HSPE1: variants seen among roughly 807,000 people sequenced by gnomAD.
HSPE1 encodes heat shock protein family E (Hsp10) member 1.
Under a neutral mutation model 13.2 loss-of-function variants are expected in HSPE1, and 1 was observed. The ratio of observed to expected loss-of-function variants is 0.08; its 90% CI spans 0.03 to 0.36. The LOEUF is 0.36. Among genes scored for constraint, HSPE1 ranks in the 10% least tolerant of loss-of-function variants. The pLI is 0.99. For missense variants in HSPE1, 73 were observed against 118.7 expected (o/e 0.62, Z 1.79); for synonymous variants, 44 against 42.0 (o/e 1.05, Z -0.19).
Position 197,501,138 on chromosome 2 carries a change from C to T in HSPE1, c.68C>T (p.Ala23Val). The T allele has an allele frequency of 1.9e-6, 3 of 1,614,080 alleles. No homozygotes were observed. Among genetic ancestry groups the T allele is most frequent in the Non-Finnish European group, 2.5e-6 (3 of 1,179,980 alleles). ...FDRVLVERSA[A>V]ETVTKGGIML... ...CGAGTATTGGTTGAAAGGAGTGCTG[C>T]TGAAACTGTAACCAAAGGAGGCATT... Residue 23 changes from alanine to valine, a missense_variant, in exon 2 of 4, where the codon GCT becomes GTT. Transcript: ENST00000233893.
At chr2:197,502,796 T>C (rs1451051074) in intron 2 of HSPE1, among the ~76,000 whole-genome samples, 1 of 152,220 alleles carries the variant, frequency 6.6e-6, no homozygotes, top group Non-Finnish European at 1.5e-5. Context: ...TTTCTTGAAC[T>C]TTTACGTTGG....
intron 2 of HSPE1, among the ~76,000 whole-genome samples, chr2:197,502,009 A>G (rs1000721409): frequency 2.0e-5 from 3 of 152,164 alleles, no homozygotes; most frequent in Non-Finnish European, 2.9e-5. Context: ...AAATAAATAC[A>G]AAAGATGTGC....
intron 2 of HSPE1, among the ~76,000 whole-genome samples, chr2:197,501,870 G>A (rs932994729): frequency 2.6e-5 from 4 of 152,068 alleles, no homozygotes; most frequent in Admixed American, 6.6e-5. Flanking sequence ...GAGGCTGTGC[G>A]TGGTGGCTCA....
Position 197,503,428 on chromosome 2 carries a change from C to T in HSPE1, c.*169C>T, listed in dbSNP as rs940542706. 2 of 452,026 alleles carry T rather than the reference C, an allele frequency of 4.4e-6. No individual in the cohort carries two copies. The highest frequency in any genetic ancestry group is 2.0e-5 in the African/African-American group (1 of 50,538). 28.0% of individuals were successfully genotyped at this position (452,026 alleles called of 1,614,324 possible). On this transcript the variant is annotated 3_prime_UTR_variant, in exon 4 of 4. Coordinates refer to ENST00000233893, the MANE Select transcript of HSPE1 (RefSeq NM_002157.3). ...TTTCCTTGTACTGATATAAACACTT[C>T]CAAATAAAAATATGTAAATGAGTGG...
chr2:197,500,721 T>C (rs557286362), intron 1 of HSPE1: 174 of 595,218 alleles, frequency 2.9e-4, no homozygotes, highest in African/African-American at 2.8e-3. Context: ...ATGTGTAATA[T>C]CTTGGGTAAA....
rs894226193 is a variant in HSPE1, at chr2:197,503,137, A to T, written c.258+9A>T. The T allele has an allele frequency of 5.0e-6, 8 of 1,590,060 alleles. No individual in the cohort carries two copies. Among genetic ancestry groups the T allele is most frequent in the African/African-American group, 1.3e-5 (1 of 74,404 alleles). On this transcript the variant is annotated intron_variant, in intron 3 of 3. Transcript: ENST00000233893. ...TAGTTCTAGATGACAAGGTGTGTAA[A>T]CTTAATAATTCTAAAAAGAAGTCAG...
chr2:197,500,941 C>T, intron 1 of HSPE1, 133 bp from the exon 2 acceptor site: 2 of 1,051,204 alleles, frequency 1.9e-6, no homozygotes, highest in Non-Finnish European at 2.7e-6. Context: ...AAATGCGCTT[C>T]CTTAACGAAT....
At position 197,500,411 on chromosome 2, in the gene HSPE1, A is replaced by G; in HGVS notation, c.-26A>G. On this transcript the variant is annotated 5_prime_UTR_variant, in exon 1 of 4. Coordinates refer to ENST00000233893, the MANE Select transcript of HSPE1 (RefSeq NM_002157.3). ...TCTTTGCGGCGCTACACTAGAGCAG[A>G]GTACGAGTCTGAGGCGGAGGGAGTA... 3 of 1,599,022 alleles carry G rather than the reference A, an allele frequency of 1.9e-6. No homozygotes were observed. Among genetic ancestry groups the G allele is most frequent in the African/African-American group, 2.7e-5 (2 of 74,786 alleles).
In HSPE1 at chr2:197,501,189, A is replaced by G. The variant is rs760120008; in HGVS notation, c.119A>G (p.Lys40Arg). 1 of 1,613,820 alleles carries G rather than the reference A, an allele frequency of 6.2e-7. No individual in the cohort carries two copies. Among genetic ancestry groups the G allele is most frequent in the African/African-American group, 1.3e-5 (1 of 74,930 alleles). Reference protein sequence around the residue: ...GIMLPEKSQGKVLQATVVAVG... With the variant: ...GIMLPEKSQGRVLQATVVAVG... The stretch of plus-strand genomic sequence containing the variant: ...ATGCTTCCAGAAAAATCTCAAGGAA[A>G]AGTATTGCAAGCAACAGTAGTCGCT... Residue 40 changes from lysine to arginine, a missense_variant, in exon 2 of 4, where the codon AAA becomes AGA. Coordinates refer to ENST00000233893, the MANE Select transcript of HSPE1 (RefSeq NM_002157.3).
chr2:197,503,308 G>C lies in HSPE1; in HGVS notation c.*49G>C, dbSNP rs1162717758. The stretch of plus-strand genomic sequence containing the variant: ...TCAACATGATGCTGCCCATTCCACT[G>C]AAGTTCTGAAATCTTTCGTCATGTA... On this transcript the variant is annotated 3_prime_UTR_variant, in exon 4 of 4. Coordinates refer to ENST00000233893, the MANE Select transcript of HSPE1 (RefSeq NM_002157.3). 8.4e-6 allele frequency: 10 copies of C among 1,187,342 alleles called. No homozygotes were observed. Among genetic ancestry groups the C allele is most frequent in the Non-Finnish European group, 1.1e-5 (9 of 815,834 alleles). The allele number at this position is 1,187,342 out of a possible 1,614,324, so 73.6% of individuals were successfully genotyped here.
chr2:197,502,431 G>T (rs2086269027), intron 2 of HSPE1, among the ~76,000 whole-genome samples: 1 of 152,152 alleles, frequency 6.6e-6, no homozygotes, highest in South Asian at 2.1e-4. Context: ...AAACGCCGTT[G>T]GGGCCAAATA....
At chr2:197,502,580 CAA>C (rs2106086863) in intron 2 of HSPE1, among the ~76,000 whole-genome samples, 1 of 152,186 alleles carries the variant, frequency 6.6e-6, no homozygotes, top group East Asian at 1.9e-4. Flanking sequence ...TTGGAGGGAA[CAA>C]AACAATCACA....
chr2:197,500,597 C>A, intron 1 of HSPE1, 158 bp downstream of exon 1: 2 of 1,119,722 alleles, frequency 1.8e-6, no homozygotes, highest in South Asian at 1.4e-5. Context: ...CCCGCCCGAC[C>A]CTTTTCTCCC....
At position 197,500,424 on chromosome 2, in the gene HSPE1, G is replaced by A. The variant is rs919352162; in HGVS notation, c.-13G>A. The A allele has an allele frequency of 6.2e-7, 1 of 1,602,400 alleles. No homozygotes were observed. Among genetic ancestry groups the A allele is most frequent in the Non-Finnish European group, 8.5e-7 (1 of 1,175,154 alleles). Reference sequence around the variant, plus strand: ...ACACTAGAGCAGAGTACGAGTCTGAGGCGGAGGGAGTAATGGTGAGTCCCG... The same window carrying A: ...ACACTAGAGCAGAGTACGAGTCTGAAGCGGAGGGAGTAATGGTGAGTCCCG... On this transcript the variant is annotated 5_prime_UTR_variant, in exon 1 of 4. Transcript: ENST00000233893.
chr2:197,502,829 C>T (rs1452765738), intron 2 of HSPE1, among the ~76,000 whole-genome samples: 1 of 152,112 alleles, frequency 6.6e-6, no homozygotes, highest in Non-Finnish European at 1.5e-5. Context: ...GTTTAAGCCA[C>T]TGTGTATTAT....
In HSPE1 at chr2:197,503,274, G is replaced by C; in HGVS notation, c.*15G>C. On this transcript the variant is annotated 3_prime_UTR_variant, in exon 4 of 4. Coordinates refer to ENST00000233893, the MANE Select transcript of HSPE1 (RefSeq NM_002157.3). ...ACGTAGACTGAAATAAGTCACTATT[G>C]AAATGGCATCAACATGATGCTGCCC... The C allele has an allele frequency of 3.2e-6, 5 of 1,553,582 alleles. No homozygotes were observed. Among genetic ancestry groups the C allele is most frequent in the Non-Finnish European group, 4.4e-6 (5 of 1,132,456 alleles).
chr2:197,502,621 T>C (rs765178345), intron 2 of HSPE1, among the ~76,000 whole-genome samples: 2 of 152,218 alleles, frequency 1.3e-5, no homozygotes, highest in Non-Finnish European at 2.9e-5. Context: ...AAAAAAACTT[T>C]AAATTTTTGT....
At chr2:197,501,994 A>G (rs1162464083) in intron 2 of HSPE1, among the ~76,000 whole-genome samples, 1 of 152,202 alleles carries the variant, frequency 6.6e-6, no homozygotes, top group East Asian at 1.9e-4. Context: ...TCCTGTCTAC[A>G]AAATAAATAA....
intron 1 of HSPE1, chr2:197,500,729 A>G (rs2086241684): frequency 1.7e-6 from 1 of 590,570 alleles, no homozygotes; most frequent in Non-Finnish European, 3.0e-6. Context: ...TATCTTGGGT[A>G]AAAATCATGG....
Sources: allele counts gnomAD v4.1 joint callset (sites outside exome capture counted in the v4.1 genomes callset), GRCh38; gene constraint gnomAD v4.1.1; transcripts MANE v1.5; gene names NCBI Gene and HGNC (gene_info 2026-07-23, HGNC 2026-07-21).